LEMD3: variants seen among roughly 807,000 people sequenced by gnomAD.
The protein encoded by LEMD3 is LEM domain containing 3.
LEMD3 carries 33 observed loss-of-function variants against 95.2 expected under a neutral mutation model. The ratio of observed to expected loss-of-function variants is 0.35; its 90% CI spans 0.26 to 0.46. The LOEUF (loss-of-function observed/expected upper bound fraction) is 0.46, where lower values mean the gene tolerates loss of function less well. Among genes scored for constraint, LEMD3 ranks in the 20% least tolerant of loss-of-function variants. The probability of loss-of-function intolerance (pLI) is 1.00; values close to 1 mark genes in which losing one functional copy is unlikely to be tolerated. For missense variants in LEMD3, 1,210 were observed against 1,192.8 expected, an observed-to-expected ratio of 1.01 and a Z score of -0.21; for synonymous variants, 525 against 474.6, an observed-to-expected ratio of 1.11 and a Z score of -1.38.
intron 3 of LEMD3, among the ~76,000 whole-genome samples, chr12:65,218,176 ACATAT>A (rs1312838359): frequency 6.6e-6 from 1 of 152,220 alleles, no homozygotes; most frequent in African/African-American, 2.4e-5. Context: ...TAGGAATAAT[ACATAT>A]TTCTGGAGGG....
intron 4 of LEMD3, among the ~76,000 whole-genome samples, chr12:65,228,553 G>A (rs1031324255): frequency 6.6e-6 from 1 of 151,730 alleles, no homozygotes; most frequent in Non-Finnish European, 1.5e-5. Context: ...CTGCCACCAC[G>A]CCTGGCTAAT....
chr12:65,177,309 G>A (rs1868753012), intron 1 of LEMD3, among the ~76,000 whole-genome samples: 1 of 152,168 alleles, frequency 6.6e-6, no homozygotes, highest in African/African-American at 2.4e-5. Context: ...TGGATAAGTG[G>A]GAATGGAGTT....
At chr12:65,191,216 A>C (rs575596829) in intron 1 of LEMD3, among the ~76,000 whole-genome samples, 1 of 152,068 alleles carries the variant, frequency 6.6e-6, no homozygotes, top group Non-Finnish European at 1.5e-5. Context: ...AAGACGAAAC[A>C]CTTTAGGATT....
chr12:65,227,746 T>G (rs1870495694), intron 4 of LEMD3, among the ~76,000 whole-genome samples: 1 of 151,726 alleles, frequency 6.6e-6, no homozygotes, highest in South Asian at 2.1e-4. Context: ...TTTTTTTTTT[T>G]TTTTTTGGCT....
chr12:65,178,425 A>T (rs1023197870), intron 1 of LEMD3, among the ~76,000 whole-genome samples: 1 of 152,228 alleles, frequency 6.6e-6, no homozygotes, highest in Non-Finnish European at 1.5e-5. Flanking sequence ...TTGAGGATAC[A>T]CTGGCATAGC....
intron 1 of LEMD3, among the ~76,000 whole-genome samples, chr12:65,203,950 TCTTA>T (rs1347074120): frequency 6.6e-6 from 1 of 152,186 alleles, no homozygotes; most frequent in East Asian, 1.9e-4. Flanking sequence ...ATACAGCTAC[TCTTA>T]CTTTGTTTTA....
At chr12:65,214,612 C>A (rs939584248) in intron 2 of LEMD3, among the ~76,000 whole-genome samples, 2 of 152,210 alleles carry the variant, frequency 1.3e-5, no homozygotes, top group South Asian at 4.1e-4. Flanking sequence ...TGCACATACA[C>A]CACAAAATAA....
rs138435037 is a variant in LEMD3 at position 65,214,849 on chromosome 12, G to A, written c.1561-1128G>A. Among the ~76,000 whole-genome samples the A allele has an allele frequency of 2.0e-5, 3 of 152,006 alleles. No individual in the cohort carries two copies. In the East Asian group the frequency reaches 5.8e-4, roughly 29 times the overall value. On this transcript the variant is annotated intron_variant, in intron 2 of 12. Coordinates refer to ENST00000308330, the MANE Select transcript of LEMD3 (RefSeq NM_014319.5). ...CACCCTACCCTCCATCATTTATGTC[G>A]ATCCCTCCTGATCGTAATTGCTCTT...
intron 1 of LEMD3, among the ~76,000 whole-genome samples, chr12:65,196,029 G>C (rs535923428): frequency 6.6e-6 from 1 of 152,030 alleles, no homozygotes; most frequent in Admixed American, 6.6e-5. Flanking sequence ...AATTTTGCTT[G>C]ATCTGAGCTC....
Position 65,170,010 on chromosome 12 carries a change from C to G in LEMD3, c.414C>G (p.Gly138=). The G allele has an allele frequency of 6.7e-7, 1 of 1,501,270 alleles. No homozygotes were observed. Among genetic ancestry groups the G allele is most frequent in the Admixed American group, 2.4e-5 (1 of 41,118 alleles). 93.0% of individuals were successfully genotyped at this position (1,501,270 alleles called of 1,614,324 possible). A position where few individuals can be genotyped will look rare whatever the true frequency, so the allele number is the denominator to read the frequency against. Residue 138 remains glycine (G), a synonymous_variant, in exon 1 of 13, where the codon GGC becomes GGG. Coordinates refer to ENST00000308330, the MANE Select transcript of LEMD3 (RefSeq NM_014319.5). ...CGGCTGGCAGCAAAGTGCTGCTGGG[C>G]TTCAGCTCGGACGAGTCGGACGTGG... ...APAAGSKVLL[G]FSSDESDVEA...
chr12:65,170,214 G>A lies in LEMD3; in HGVS notation c.618G>A (p.Glu206=), dbSNP rs770408327. 5 of 1,503,936 alleles carry A rather than the reference G, an allele frequency of 3.3e-6. No homozygotes were observed. The highest frequency in any genetic ancestry group is 4.4e-6 in the Non-Finnish European group (5 of 1,125,232). The allele number at this position is 1,503,936 out of a possible 1,614,324, so 93.2% of individuals were successfully genotyped here. ...WWGARRPAGP[E]LQTPPGKDGA... is the part of the protein sequence containing the mutation. ...GGGCCAGGAGGCCGGCGGGCCCCGA[G>A]CTGCAGACCCCGCCGGGGAAAGATG... is the stretch of plus-strand genomic sequence containing the variant. The change falls in exon 1 of 13, where the codon GAG becomes GAA. Residue 206 remains glutamate, a synonymous_variant. Transcript: ENST00000308330.
At chr12:65,216,107 G>A in intron 3 of LEMD3, 64 bp downstream of exon 3, 4 of 1,022,934 alleles carry the variant, frequency 3.9e-6, no homozygotes, top group South Asian at 2.7e-5. Context: ...CATGTTATTA[G>A]TAGAAAATAT....
intron 1 of LEMD3, among the ~76,000 whole-genome samples, chr12:65,200,381 G>C (rs1869563153): frequency 6.6e-6 from 1 of 152,090 alleles, no homozygotes; most frequent in South Asian, 2.1e-4. Context: ...CAATAAATCT[G>C]TGCTTTCGTT....
intron 1 of LEMD3, among the ~76,000 whole-genome samples, chr12:65,206,263 T>C (rs1869761253): frequency 6.6e-6 from 1 of 152,176 alleles, no homozygotes; most frequent in Non-Finnish European, 1.5e-5. Context: ...TAACTGCTCA[T>C]TCAGGCATCT....
chr12:65,242,917 T>A (rs1209124862), intron 9 of LEMD3, among the ~76,000 whole-genome samples: 1 of 152,196 alleles, frequency 6.6e-6, no homozygotes, highest in African/African-American at 2.4e-5. Flanking sequence ...TCTTAAATAA[T>A]CTGACATCTT....
intron 4 of LEMD3, 74 bp downstream of exon 4, chr12:65,218,693 A>G: frequency 2.3e-6 from 2 of 861,840 alleles, no homozygotes; most frequent in South Asian, 3.0e-5. Context: ...TGTAAGAATC[A>G]TATGTTTGAT....
intron 1 of LEMD3, among the ~76,000 whole-genome samples, chr12:65,198,260 T>G (rs1053506916): frequency 6.6e-6 from 1 of 152,146 alleles, no homozygotes; most frequent in African/African-American, 2.4e-5. Context: ...GTTTAATAAA[T>G]TATAGTATTC....
intron 3 of LEMD3, among the ~76,000 whole-genome samples, chr12:65,217,489 T>C (rs1870145488): frequency 6.6e-6 from 1 of 152,228 alleles, no homozygotes; most frequent in Non-Finnish European, 1.5e-5. Flanking sequence ...TGAACAAAAC[T>C]GAAATGAGAA....
chr12:65,190,814 A>T (rs1869217178), intron 1 of LEMD3, among the ~76,000 whole-genome samples: 1 of 152,194 alleles, frequency 6.6e-6, no homozygotes, highest in African/African-American at 2.4e-5. Flanking sequence ...TGCCATAAAA[A>T]TAGAAATACT....
Sources: allele counts gnomAD v4.1 joint callset (sites outside exome capture counted in the v4.1 genomes callset), GRCh38; gene constraint gnomAD v4.1.1; transcripts MANE v1.5; gene names NCBI Gene and HGNC (gene_info 2026-07-23, HGNC 2026-07-21).